Variants in GDPD5 observed in about 807,000 individuals in gnomAD.
The protein encoded by GDPD5 is glycerophosphodiester phosphodiesterase domain containing 5.
A neutral mutation model predicts 75.1 loss-of-function variants in GDPD5; 48 were observed. That is an observed-to-expected ratio of 0.64 (90% CI 0.51 to 0.81). GDPD5 has a LOEUF of 0.81. Among genes scored for constraint, GDPD5 ranks in the 40% least tolerant of loss-of-function variants. The probability of loss-of-function intolerance (pLI) is 0.00; values close to 1 mark genes in which losing one functional copy is unlikely to be tolerated. For synonymous variants in GDPD5, 336 were observed against 339.0 expected, an observed-to-expected ratio of 0.99 and a Z score of 0.10; for missense variants, 706 against 822.6, an observed-to-expected ratio of 0.86 and a Z score of 1.73.
chr11:75,441,109 G>A (rs1460406242), intron 14 of GDPD5, 54 bp downstream of exon 14: 12 of 1,578,686 alleles, frequency 7.6e-6, no homozygotes, highest in Non-Finnish European at 1.0e-5. Flanking sequence ...GGTCAGGGCA[G>A]GCTATAGGCA....
rs1299673187 is a variant in GDPD5 at position 75,513,963 on chromosome 11, C to T, written c.-145+11247G>A. 3.9e-5 allele frequency among the ~76,000 whole-genome samples: 6 copies of T among 152,228 alleles called. No homozygotes were observed. The East Asian group carries it at 9.6e-4, about 24-fold the overall frequency. ...ACCGACAGGCTGTGGGACCTCAAGCCAGTCACCTCACCTGCCTGAGCCCGA... is the reference window on the plus strand; with the variant it reads ...ACCGACAGGCTGTGGGACCTCAAGCTAGTCACCTCACCTGCCTGAGCCCGA... On this transcript the variant is annotated intron_variant, in intron 1 of 16. Coordinates refer to ENST00000336898, the MANE Select transcript of GDPD5 (RefSeq NM_030792.8).
At chr11:75,504,633 G>C (rs770168382) in intron 1 of GDPD5, among the ~76,000 whole-genome samples, 3 of 152,174 alleles carry the variant, frequency 2.0e-5, no homozygotes, top group Non-Finnish European at 4.4e-5. Context: ...AAAGTGGAAT[G>C]GTGGGTGCCA....
rs571565383 is a variant in GDPD5, at chr11:75,435,099, A to T, written c.*408T>A. 1 of 158,854 alleles carries T rather than the reference A, an allele frequency of 6.3e-6. No individual in the cohort carries two copies. The highest frequency in any genetic ancestry group is 2.4e-5 in the African/African-American group (1 of 41,718). 9.8% of individuals were successfully genotyped at this position (158,854 alleles called of 1,614,324 possible). ...CAGGCCCTTGGGGCAGGATAACAGC[A>T]GAGAACTCAGGTGCCTCCTGGCACA... On this transcript the variant is annotated 3_prime_UTR_variant, in exon 17 of 17. Transcript: ENST00000336898.
intron 1 of GDPD5, among the ~76,000 whole-genome samples, chr11:75,497,315 G>A (rs1950229196): frequency 6.6e-6 from 1 of 152,138 alleles, no homozygotes; most frequent in Non-Finnish European, 1.5e-5. Context: ...GTGGCAGGAC[G>A]CGTAAGGGGT....
chr11:75,450,339 T>C lies in GDPD5; in HGVS notation c.376-356A>G, dbSNP rs533340264. ...CCTGGCAGGTTAGTCACATCCAAGG[T>C]CCCGCCCAGCCTCCCTGCCACCTCA... is the stretch of plus-strand genomic sequence containing the variant. On this transcript the variant is annotated intron_variant, in intron 6 of 16. Transcript: ENST00000336898. The C allele has an allele frequency of 2.8e-4, 87 of 314,356 alleles. 1 individual carries two copies. The Admixed American group carries it at 3.4e-3, about 12-fold the overall frequency. 19.5% of individuals were successfully genotyped at this position (314,356 alleles called of 1,614,324 possible).
At chr11:75,522,160 C>T (rs1227941512) in intron 1 of GDPD5, among the ~76,000 whole-genome samples, 1 of 152,194 alleles carries the variant, frequency 6.6e-6, no homozygotes, top group Non-Finnish European at 1.5e-5. Flanking sequence ...GATGAGGCAC[C>T]CCCTTGTTGA....
At chr11:75,442,777 G>T in intron 11 of GDPD5, 196 bp from the exon 12 acceptor site, 1 of 610,386 alleles carries the variant, frequency 1.6e-6, no homozygotes, top group Non-Finnish European at 2.9e-6. Flanking sequence ...TGCTTACCAA[G>T]AGGACGGAGG....
rs778590128 is a variant in GDPD5, at chr11:75,444,492, C to G, written c.718G>C (p.Ala240Pro). 6.2e-7 allele frequency: 1 copy of G among 1,612,894 alleles called. No individual in the cohort carries two copies. Among genetic ancestry groups the G allele is most frequent in the African/African-American group, 1.3e-5 (1 of 75,028 alleles). The part of the protein sequence containing the change: ...LIGHRGAPML[A>P]PEHTLMSFRK... The stretch of plus-strand genomic sequence containing the variant: ...AAGGACATGAGCGTGTGCTCTGGAG[C>G]CAGCTGGGGAAGAAGGGGTGGTGAA... The change falls in exon 10 of 17, where the codon GCT becomes CCT. Residue 240 changes from alanine to proline, a missense_variant. Coordinates refer to ENST00000336898, the MANE Select transcript of GDPD5 (RefSeq NM_030792.8).
In GDPD5 at chr11:75,466,548, C is replaced by A. The variant is rs922262141; in HGVS notation, c.118-3659G>T. ...CAGAGACGTGGAGCAGTGATCGCTGCCTCAATGCCCCGGCCACGGCCCTCC... is the reference window on the plus strand; with the variant it reads ...CAGAGACGTGGAGCAGTGATCGCTGACTCAATGCCCCGGCCACGGCCCTCC... On this transcript the variant is annotated intron_variant, in intron 3 of 16. Transcript: ENST00000336898. Among the ~76,000 whole-genome samples, 46 of 152,178 alleles carry A rather than the reference C, an allele frequency of 3.0e-4. 1 individual carries two copies. Among genetic ancestry groups the A allele is most frequent in the Admixed American group, 2.8e-3 (43 of 15,288 alleles).
chr11:75,505,777 A>G (rs538944752), intron 1 of GDPD5, among the ~76,000 whole-genome samples: 1 of 152,290 alleles, frequency 6.6e-6, no homozygotes, highest in African/African-American at 2.4e-5. Flanking sequence ...TATATTTGTG[A>G]TAGGGCCATA....
intron 2 of GDPD5, among the ~76,000 whole-genome samples, chr11:75,483,075 T>C (rs539352625): frequency 6.6e-4 from 101 of 151,904 alleles, no homozygotes; most frequent in African/African-American, 2.3e-3. Context: ...TCCCCTCCCC[T>C]CCCCTTCCTG....
chr11:75,516,544 T>C (rs1950642949), intron 1 of GDPD5, among the ~76,000 whole-genome samples: 1 of 152,180 alleles, frequency 6.6e-6, no homozygotes, highest in Admixed American at 6.5e-5. Flanking sequence ...TGTGCAGGCC[T>C]CCTCTGTCCT....
chr11:75,457,389 C>T (rs886810439), intron 5 of GDPD5, among the ~76,000 whole-genome samples: 1 of 152,224 alleles, frequency 6.6e-6, no homozygotes, highest in African/African-American at 2.4e-5. Context: ...GCCTCAGGTG[C>T]AGCAGCCCGA....
In GDPD5 at chr11:75,442,456, G is replaced by C. The variant is rs999068208; in HGVS notation, c.1074C>G (p.Asn358Lys). ...GGTGCTCCCGGGGCGGGTCACGCAG[G>C]TTGAGCAGCAGTGTGGCATTGCCCT... ...LAKGNATLLL[N>K]LRDPPREHPY... The change falls in exon 12 of 17, where the codon AAC becomes AAG. Residue 358 changes from asparagine (N) to lysine (K), a missense_variant. Coordinates refer to ENST00000336898, the MANE Select transcript of GDPD5 (RefSeq NM_030792.8). 3.1e-6 allele frequency: 5 copies of C among 1,613,526 alleles called. No individual in the cohort carries two copies. The highest frequency in any genetic ancestry group is 4.2e-6 in the Non-Finnish European group (5 of 1,179,830).
chr11:75,504,004 G>C (rs1950345409), intron 1 of GDPD5, among the ~76,000 whole-genome samples: 1 of 152,244 alleles, frequency 6.6e-6, no homozygotes, highest in African/African-American at 2.4e-5. Context: ...GGAGAGCCAA[G>C]TTTAATCCTG....
intron 2 of GDPD5, among the ~76,000 whole-genome samples, chr11:75,489,510 G>A (rs549992228): frequency 6.6e-6 from 1 of 152,336 alleles, no homozygotes; most frequent in Non-Finnish European, 1.5e-5. Context: ...CCACCTTGAA[G>A]GTTCATGCTA....
At chr11:75,454,184 T>G (rs1460382605) in intron 6 of GDPD5, among the ~76,000 whole-genome samples, 2 of 152,058 alleles carry the variant, frequency 1.3e-5, no homozygotes, top group Non-Finnish European at 2.9e-5. Flanking sequence ...CAAAAAGCAA[T>G]GGCAAAAATG....
intron 4 of GDPD5, among the ~76,000 whole-genome samples, chr11:75,459,260 A>G (rs915329165): frequency 1.3e-5 from 2 of 152,166 alleles, no homozygotes; most frequent in African/African-American, 2.4e-5. Context: ...ATTTTTATAC[A>G]TATCTTTCTG....
chr11:75,517,631 G>A (rs1357062428), intron 1 of GDPD5, among the ~76,000 whole-genome samples: 1 of 152,050 alleles, frequency 6.6e-6, no homozygotes, highest in African/African-American at 2.4e-5. Flanking sequence ...TCTTGAGCCT[G>A]GTGCCATCCT....
Sources: gnomAD v4.1 joint callset for allele counts (sites outside exome capture counted in the v4.1 genomes callset) on GRCh38, gnomAD v4.1.1 for gene constraint, MANE v1.5 for transcripts, NCBI Gene and HGNC (gene_info 2026-07-23, HGNC 2026-07-21) for gene names.